CAMTA1: variants seen among roughly 807,000 people sequenced by gnomAD.
CAMTA1 encodes calmodulin-binding transcription activator 1.
A neutral mutation model predicts 170.9 loss-of-function variants in CAMTA1; 27 were observed. The observed-to-expected ratio is 0.16, with a 90% CI of 0.12 to 0.22. The LOEUF is 0.22. CAMTA1 is among the 10% of genes least tolerant of loss of function. CAMTA1 has a pLI of 1.00. For missense variants in CAMTA1, 1,619 were observed against 2,217.2 expected (o/e 0.73, Z 5.42); for synonymous variants, 833 against 891.5 (o/e 0.93, Z 1.17).
At chr1:6,884,966 G>A (rs1390945844) in intron 3 of CAMTA1, among the ~76,000 whole-genome samples, 2 of 152,166 alleles carry the variant, frequency 1.3e-5, no homozygotes, top group South Asian at 2.1e-4. Flanking sequence ...AATAATGAAA[G>A]CTTACTCATT....
intron 3 of CAMTA1, among the ~76,000 whole-genome samples, chr1:6,935,829 A>C (rs1464553852): frequency 6.6e-6 from 1 of 152,128 alleles, no homozygotes; most frequent in African/African-American, 2.4e-5. Context: ...GAATGGAAGG[A>C]GCCCTAGACA....
At chr1:7,622,039 G>T (rs935826435) in intron 6 of CAMTA1, among the ~76,000 whole-genome samples, 1 of 152,216 alleles carries the variant, frequency 6.6e-6, no homozygotes, top group Non-Finnish European at 1.5e-5. Flanking sequence ...TCCAAAGACA[G>T]AAACCAAAAA....
At chr1:7,202,027 A>C (rs373367344) in intron 4 of CAMTA1, among the ~76,000 whole-genome samples, 4 of 152,184 alleles carry the variant, frequency 2.6e-5, no homozygotes, top group African/African-American at 9.7e-5. Context: ...TCTTTCATTT[A>C]GCTCTTTGAT....
rs367970731 is a variant in CAMTA1 at position 7,726,867 on chromosome 1, G to A, written c.2915-5581G>A. ...TTTGCGGGGACCTCTGGAGCCTCCT[G>A]TGGCCTTGAGCCACCTCTGAGCCTC... On this transcript the variant is annotated intron_variant, in intron 11 of 22. Coordinates refer to ENST00000303635, the MANE Select transcript of CAMTA1 (RefSeq NM_015215.4). Among the ~76,000 whole-genome samples, 12 of 152,368 alleles carry A rather than the reference G, an allele frequency of 7.9e-5. No individual in the cohort carries two copies. The East Asian group carries it at 1.9e-3, about 25-fold the overall frequency.
intron 5 of CAMTA1, among the ~76,000 whole-genome samples, chr1:7,253,554 T>C (rs1245475025): frequency 2.6e-5 from 4 of 152,224 alleles, no homozygotes; most frequent in Admixed American, 6.5e-5. Flanking sequence ...GAGACAGTCA[T>C]GGGCTTACAC....
At chr1:6,850,409 A>G (rs902297010) in intron 3 of CAMTA1, among the ~76,000 whole-genome samples, 1 of 152,218 alleles carries the variant, frequency 6.6e-6, no homozygotes, top group Admixed American at 6.5e-5. Flanking sequence ...GACTCATTGA[A>G]GATGTCTTTA....
chr1:6,786,746 T>C (rs1639510297), intron 1 of CAMTA1, among the ~76,000 whole-genome samples: 1 of 152,240 alleles, frequency 6.6e-6, no homozygotes, highest in Non-Finnish European at 1.5e-5. Context: ...TTTGTGTGTC[T>C]ACACTGACTT....
At position 7,216,109 on chromosome 1, in the gene CAMTA1, G is replaced by A. The variant is rs912540956; in HGVS notation, c.303-33382G>A. ...GAAACTTACAATCATGGCAGAAGGCGAAGGGGAAGCCCGCGTGTCCTGCGT... is the reference window on the plus strand; with the variant it reads ...GAAACTTACAATCATGGCAGAAGGCAAAGGGGAAGCCCGCGTGTCCTGCGT... On this transcript the variant is annotated intron_variant, in intron 4 of 22. Coordinates refer to ENST00000303635, the MANE Select transcript of CAMTA1 (RefSeq NM_015215.4). The surrounding 1 kb of genome is among the most constrained non-coding windows in gnomAD (Gnocchi z 4.0). 2.4e-4 allele frequency among the ~76,000 whole-genome samples: 36 copies of A among 152,338 alleles called. No homozygotes were observed. Among genetic ancestry groups the A allele is most frequent in the Non-Finnish European group, 3.8e-4 (26 of 68,030 alleles).
Position 7,658,794 on chromosome 1 carries a change from TA to T in CAMTA1, c.665-2927del, listed in dbSNP as rs201230489. ...AGGGTCCCATAGCTATGATGAGGTTTAAAAAGCCCCTGACCCGGGCCTTCCC... is the reference window on the plus strand; with the variant it reads ...AGGGTCCCATAGCTATGATGAGGTTTAAAAGCCCCTGACCCGGGCCTTCCC... On this transcript the variant is annotated intron_variant, in intron 7 of 22. Transcript: ENST00000303635. Among the ~76,000 whole-genome samples the T allele has an allele frequency of 5.4e-3, 823 of 152,260 alleles. 10 individuals are homozygous for T. The highest frequency in any genetic ancestry group is 0.019 in the African/African-American group (789 of 41,556).
intron 5 of CAMTA1, among the ~76,000 whole-genome samples, chr1:7,340,040 AT>A (rs1557547494): frequency 6.6e-6 from 1 of 152,028 alleles, no homozygotes; most frequent in Admixed American, 6.6e-5. Flanking sequence ...GAATCAGCAA[AT>A]TTTTTTCTGT....
intron 6 of CAMTA1, among the ~76,000 whole-genome samples, chr1:7,601,867 T>C (rs977850593): frequency 1.3e-5 from 2 of 151,254 alleles, no homozygotes; most frequent in African/African-American, 4.9e-5. Context: ...GGCAGGGAGG[T>C]TGCAGTGAGC....
rs538182535 is a variant in CAMTA1 at position 7,260,064 on chromosome 1, C to T, written c.438+10438C>T. Among the ~76,000 whole-genome samples, 128 of 152,330 alleles carry T rather than the reference C, an allele frequency of 8.4e-4. 1 individual carries two copies. Among genetic ancestry groups the T allele is most frequent in the Non-Finnish European group, 1.5e-4 (10 of 68,026 alleles). On this transcript the variant is annotated intron_variant, in intron 5 of 22. Coordinates refer to ENST00000303635, the MANE Select transcript of CAMTA1 (RefSeq NM_015215.4). Reference sequence around the variant, plus strand: ...CAGTTTTGCGAGCCAGACTGTCCGTCCCAACAATTCAATTCTGCCATTGTA... The same window carrying T: ...CAGTTTTGCGAGCCAGACTGTCCGTTCCAACAATTCAATTCTGCCATTGTA...
At chr1:7,657,383 G>A (rs956816343) in intron 7 of CAMTA1, among the ~76,000 whole-genome samples, 13 of 152,274 alleles carry the variant, frequency 8.5e-5, no homozygotes, top group African/African-American at 2.4e-4. Flanking sequence ...GGTACCGCCC[G>A]GTGAGGTACA....
Position 7,433,842 on chromosome 1 carries a change from T to C in CAMTA1, c.439-33988T>C, listed in dbSNP as rs115922010. Among the ~76,000 whole-genome samples the C allele has an allele frequency of 6.4e-3, 978 of 152,180 alleles. 8 individuals carry two copies. The highest frequency in any genetic ancestry group is 0.022 in the African/African-American group (896 of 41,486). ...TTTCCTGACTGTCCTGGTATCAACA[T>C]CTGGGATGTACAGGAAAGGGAGACT... is the stretch of plus-strand genomic sequence containing the variant. On this transcript the variant is annotated intron_variant, in intron 5 of 22. Coordinates refer to ENST00000303635, the MANE Select transcript of CAMTA1 (RefSeq NM_015215.4).
At chr1:7,510,839 C>A (rs1451013158) in intron 6 of CAMTA1, among the ~76,000 whole-genome samples, 1 of 144,828 alleles carries the variant, frequency 6.9e-6, no homozygotes, top group Non-Finnish European at 1.5e-5. Flanking sequence ...CACTGTAATT[C>A]CTACTTTTGT....
intron 4 of CAMTA1, among the ~76,000 whole-genome samples, chr1:7,127,742 C>T (rs1558139083): frequency 6.6e-6 from 1 of 152,174 alleles, no homozygotes; most frequent in Non-Finnish European, 1.5e-5. Context: ...AGAACCGGCA[C>T]AGGAAACAGG....
chr1:7,496,611 G>T (rs985013751), intron 6 of CAMTA1, among the ~76,000 whole-genome samples: 1 of 152,128 alleles, frequency 6.6e-6, no homozygotes, highest in Non-Finnish European at 1.5e-5. Context: ...ATCTCCATTG[G>T]GCTTTGCTTA....
chr1:7,701,888 T>C (rs555343170), intron 11 of CAMTA1, among the ~76,000 whole-genome samples: 38 of 152,304 alleles, frequency 2.5e-4, no homozygotes, highest in African/African-American at 8.9e-4. Flanking sequence ...TATTCTCTCA[T>C]CTTCTAACTT....
rs2094954257 is a variant in CAMTA1, at chr1:7,561,351, G to A, written c.511-79049G>A. ...CCAGCTGGGGTGATGGAGGGACAGA[G>A]GGACAGGCAGAGAGGCCGGCGGGCA... On this transcript the variant is annotated intron_variant, in intron 6 of 22. Transcript: ENST00000303635. The surrounding 1 kb of genome is among the most constrained non-coding windows in gnomAD (Gnocchi z 5.3). Among the ~76,000 whole-genome samples the A allele has an allele frequency of 6.6e-6, 1 of 151,920 alleles. No individual in the cohort carries two copies. The highest frequency in any genetic ancestry group is 1.5e-5 in the Non-Finnish European group (1 of 67,938).
Sources: allele counts gnomAD v4.1 joint callset (sites outside exome capture counted in the v4.1 genomes callset), GRCh38; gene constraint gnomAD v4.1.1; non-coding constraint Gnocchi (gnomAD v3.1); transcripts MANE v1.5; gene names NCBI Gene and HGNC (gene_info 2026-07-23, HGNC 2026-07-21).